The following SRGAP2B variants were observed in gnomAD, a reference collection of about 807,000 sequenced individuals.
The protein encoded by SRGAP2B is SLIT-ROBO Rho GTPase-activating protein 2B.
In SRGAP2B, 9 loss-of-function variants were observed where a neutral mutation model predicts 22.2. That is an observed-to-expected ratio of 0.41 (90% confidence interval 0.24 to 0.71). The LOEUF is 0.71. Among genes scored for constraint, SRGAP2B ranks in the 30% least tolerant of loss-of-function variants. The pLI is 0.35. For missense variants in SRGAP2B, 114 were observed against 235.8 expected, an observed-to-expected ratio of 0.48 and a Z score of 3.38; for synonymous variants, 36 against 87.4, an observed-to-expected ratio of 0.41 and a Z score of 3.28.
At chr1:145,064,676 C>A (rs1270405388) in intron 2 of SRGAP2B, among the ~76,000 whole-genome samples, 3 of 149,944 alleles carry the variant, frequency 2.0e-5, no homozygotes, top group Non-Finnish European at 2.9e-5. Flanking sequence ...CTGTCCTGTC[C>A]TTGCAGCTGT....
At chr1:144,922,831 A>T (rs1664351760) in intron 4 of SRGAP2B, among the ~76,000 whole-genome samples, 1 of 150,806 alleles carries the variant, frequency 6.6e-6, no homozygotes, top group African/African-American at 2.5e-5. Flanking sequence ...CTAGGACAGA[A>T]ATGGCTTTCT....
chr1:145,024,546 C>G (rs1336633076), intron 2 of SRGAP2B, among the ~76,000 whole-genome samples: 1 of 130,646 alleles, frequency 7.7e-6, no homozygotes, highest in African/African-American at 3.2e-5. Context: ...TCACTGCAAC[C>G]TACGCCTCCC....
chr1:144,966,179 C>T (rs1431183794), intron 3 of SRGAP2B, among the ~76,000 whole-genome samples: 3 of 148,584 alleles, frequency 2.0e-5, no homozygotes, highest in Non-Finnish European at 3.0e-5. Context: ...AACTCCAAGA[C>T]ACATAATTGT....
chr1:144,980,758 T>C (rs1669268570), intron 3 of SRGAP2B, among the ~76,000 whole-genome samples: 1 of 151,012 alleles, frequency 6.6e-6, no homozygotes, highest in Non-Finnish European at 1.5e-5. Context: ...TCGTTAACAG[T>C]GAGTCCTTCC....
intron 3 of SRGAP2B, among the ~76,000 whole-genome samples, chr1:144,976,675 G>T (rs1553614265): frequency 6.9e-6 from 1 of 144,412 alleles, no homozygotes; most frequent in African/African-American, 2.9e-5. Flanking sequence ...GAACGATGGG[G>T]ACATATCAAT....
intron 5 of SRGAP2B, among the ~76,000 whole-genome samples, chr1:144,909,586 CAAAA>C (rs1298848761): frequency 2.3e-5 from 3 of 131,064 alleles, no homozygotes; most frequent in African/African-American, 3.1e-5. Flanking sequence ...GACTCCATCT[CAAAA>C]AAAAAAAAAA....
intron 7 of SRGAP2B, among the ~76,000 whole-genome samples, chr1:144,902,626 G>T (rs1466199949): frequency 4.3e-5 from 6 of 139,960 alleles, no homozygotes; most frequent in African/African-American, 1.6e-4. Context: ...GCTGGGCGTG[G>T]TGGCGGGTGC....
chr1:144,907,110 TAGAG>T (rs1449809910), intron 5 of SRGAP2B, among the ~76,000 whole-genome samples: 2 of 148,024 alleles, frequency 1.4e-5, no homozygotes, highest in African/African-American at 5.2e-5. Flanking sequence ...GAGGGAGAAT[TAGAG>T]AGTAGAAGTT....
intron 2 of SRGAP2B, among the ~76,000 whole-genome samples, chr1:145,041,505 A>AT (rs1377290399): frequency 6.0e-5 from 8 of 134,344 alleles, no homozygotes; most frequent in Non-Finnish European, 1.1e-4. Context: ...AAAAAAAAAA[A>AT]AAAAATAGCA....
intron 3 of SRGAP2B, among the ~76,000 whole-genome samples, chr1:144,991,400 G>A (rs1553617115): frequency 4.0e-5 from 6 of 150,078 alleles, no homozygotes. Flanking sequence ...AGCTGCTCTG[G>A]TGAGGACATG....
chr1:144,928,429 T>G (rs1236317992), intron 4 of SRGAP2B, among the ~76,000 whole-genome samples: 2 of 124,278 alleles, frequency 1.6e-5, no homozygotes, highest in Non-Finnish European at 3.6e-5. Flanking sequence ...ATTTATTTAT[T>G]TATTTATTTA....
intron 3 of SRGAP2B, among the ~76,000 whole-genome samples, chr1:144,994,596 GAGAGA>G (rs1454430273): frequency 1.3e-5 from 2 of 149,314 alleles, no homozygotes; most frequent in African/African-American, 5.1e-5. Flanking sequence ...GAGAGAGAGA[GAGAGA>G]GAGAGAGAGA....
intron 3 of SRGAP2B, among the ~76,000 whole-genome samples, chr1:144,991,193 C>G (rs1670187826): frequency 6.6e-6 from 1 of 150,556 alleles, no homozygotes; most frequent in African/African-American, 2.5e-5. Flanking sequence ...GTGTTTAGCT[C>G]AAGGTTTGTG....
intron 2 of SRGAP2B, among the ~76,000 whole-genome samples, chr1:145,090,274 T>C (rs1219909086): frequency 6.7e-6 from 1 of 148,532 alleles, no homozygotes; most frequent in Admixed American, 6.6e-5. Flanking sequence ...TTCCAGAATA[T>C]AAGCTCCACG....
Position 144,931,418 on chromosome 1 carries a change from C to T in SRGAP2B, c.424-16664G>A, listed in dbSNP as rs1180094213. ...TAGTAAGCACCTAATAATTACAGAG[C>T]GAAGATAGGGGGAAGAAAGGCCATA... is the stretch of plus-strand genomic sequence containing the variant. On this transcript the variant is annotated intron_variant, in intron 4 of 9. Coordinates refer to ENST00000612199, the Ensembl canonical transcript of SRGAP2B. 4.7e-5 allele frequency among the ~76,000 whole-genome samples: 7 copies of T among 150,276 alleles called. 1 individual carries two copies. The highest frequency in any genetic ancestry group is 1.3e-4 in the Admixed American group (2 of 15,124).
At chr1:145,019,757 T>C (rs1479958574) in intron 2 of SRGAP2B, among the ~76,000 whole-genome samples, 2 of 142,270 alleles carry the variant, frequency 1.4e-5, no homozygotes, top group East Asian at 4.2e-4. Context: ...GATGTAGATA[T>C]AGATATTTAC....
intron 2 of SRGAP2B, among the ~76,000 whole-genome samples, chr1:145,015,993 ACTTTT>A (rs1278075001): frequency 1.7e-5 from 2 of 117,706 alleles, no homozygotes; most frequent in Non-Finnish European, 3.4e-5. Context: ...GAAATGTGAG[ACTTTT>A]CATTTTCAGA....
chr1:144,961,305 G>A (rs587681210), intron 3 of SRGAP2B, among the ~76,000 whole-genome samples: 8 of 148,928 alleles, frequency 5.4e-5, no homozygotes, highest in African/African-American at 7.5e-5. Context: ...GGAATCCAAA[G>A]GGAGCACAGA....
chr1:144,915,674 C>T (rs1266842374), intron 4 of SRGAP2B, among the ~76,000 whole-genome samples: 5 of 151,144 alleles, frequency 3.3e-5, no homozygotes, highest in East Asian at 1.9e-4. Flanking sequence ...TGCAGTGAGC[C>T]GAGATTGCGC....
Sources: allele counts gnomAD v4.1 joint callset (sites outside exome capture counted in the v4.1 genomes callset), GRCh38; gene constraint gnomAD v4.1.1; transcripts MANE v1.5; gene names NCBI Gene and HGNC (gene_info 2026-07-23, HGNC 2026-07-21).